The following DNAJC6 variants were observed in gnomAD, a reference collection of about 807,000 sequenced individuals.
DNAJC6 encodes auxilin.
In DNAJC6, 34 loss-of-function variants were observed where a neutral mutation model predicts 110.0. That is an observed-to-expected ratio of 0.31 (90% CI 0.24 to 0.41). The LOEUF (loss-of-function observed/expected upper bound fraction) is 0.41, where lower values mean the gene tolerates loss of function less well. Among genes scored for constraint, DNAJC6 ranks in the 10% least tolerant of loss-of-function variants. The probability of loss-of-function intolerance (pLI) is 1.00; values close to 1 mark genes in which losing one functional copy is unlikely to be tolerated. For synonymous variants in DNAJC6, 406 were observed against 437.2 expected (o/e 0.93, Z 0.89); for missense variants, 1,031 against 1,207.8 (o/e 0.85, Z 2.17).
intron 1 of DNAJC6, among the ~76,000 whole-genome samples, chr1:65,336,406 A>C (rs1231677853): frequency 2.0e-5 from 3 of 152,166 alleles, no homozygotes; most frequent in African/African-American, 7.2e-5. Flanking sequence ...TTGGGTGGGG[A>C]CACAGCCAAA....
chr1:65,383,234 A>G (rs1645840013), intron 5 of DNAJC6, among the ~76,000 whole-genome samples: 1 of 152,210 alleles, frequency 6.6e-6, no homozygotes, highest in Non-Finnish European at 1.5e-5. Context: ...TGCTGTAACA[A>G]ATATACCATA....
At chr1:65,384,452 A>G (rs1266856746) in intron 6 of DNAJC6, 126 bp downstream of exon 6, 2 of 975,096 alleles carry the variant, frequency 2.1e-6, no homozygotes, top group East Asian at 3.3e-5. Flanking sequence ...GTCCATTTTA[A>G]TATTGCTATG....
chr1:65,395,111 C>T (rs543670590), intron 13 of DNAJC6, 79 bp downstream of exon 13: 44 of 1,394,380 alleles, frequency 3.2e-5, no homozygotes, highest in Admixed American at 1.7e-4. Context: ...TATAAAAGCA[C>T]CCTGTGGGTG....
At chr1:65,359,896 G>A (rs1235356505) in intron 1 of DNAJC6, among the ~76,000 whole-genome samples, 1 of 152,126 alleles carries the variant, frequency 6.6e-6, no homozygotes, top group African/African-American at 2.4e-5. Flanking sequence ...CCAGTTTCAT[G>A]TTATGAAATA....
chr1:65,318,898 C>T (rs1645171873), intron 1 of DNAJC6, among the ~76,000 whole-genome samples: 1 of 152,138 alleles, frequency 6.6e-6, no homozygotes. Context: ...ACACAGATTC[C>T]TGGGCCCCAA....
chr1:65,349,183 T>A (rs1450418920), intron 1 of DNAJC6, among the ~76,000 whole-genome samples: 1 of 148,902 alleles, frequency 6.7e-6, no homozygotes, highest in Non-Finnish European at 1.5e-5. Context: ...GATTGCAATA[T>A]TTATTCTTCA....
intron 1 of DNAJC6, among the ~76,000 whole-genome samples, chr1:65,364,367 A>G (rs1002461770): frequency 6.6e-6 from 1 of 152,156 alleles, no homozygotes; most frequent in African/African-American, 2.4e-5. Flanking sequence ...CAGGCGCTCA[A>G]TTGTTACACA....
At chr1:65,271,995 T>C (rs979056641) in intron 1 of DNAJC6, among the ~76,000 whole-genome samples, 5 of 152,232 alleles carry the variant, frequency 3.3e-5, no homozygotes, top group Non-Finnish European at 7.3e-5. Flanking sequence ...ATGTAGACCG[T>C]TTATTTTTCT....
intron 13 of DNAJC6, among the ~76,000 whole-genome samples, chr1:65,397,087 A>T (rs1478198996): frequency 2.6e-5 from 4 of 152,188 alleles, no homozygotes; most frequent in African/African-American, 7.2e-5. Flanking sequence ...AGTTTAGGCC[A>T]GTTAGTACTC....
intron 1 of DNAJC6, among the ~76,000 whole-genome samples, chr1:65,338,200 T>C (rs1645356475): frequency 6.6e-6 from 1 of 152,192 alleles, no homozygotes. Context: ...AAATACATTA[T>C]GGATTCACAA....
At position 65,406,086 on chromosome 1, in the gene DNAJC6, C is replaced by T; in HGVS notation, c.2444C>T (p.Ala815Val). ...NRPNYNVSFS[A>V]MPGGQNERGK... is the part of the protein sequence containing the mutation. ...CCCAACTACAACGTGAGCTTCTCAG[C>T]CATGCCTGGGGGCCAGAACGAACGT... Residue 815 changes from alanine (A) to valine (V), a missense_variant, in exon 16 of 19, where the codon GCC becomes GTC. Physicochemically the swap from Ala to Val is moderately conservative, Grantham distance 64 (BLOSUM62 0). Coordinates refer to ENST00000371069, the MANE Select transcript of DNAJC6 (RefSeq NM_001256864.2). The T allele has an allele frequency of 6.2e-7, 1 of 1,614,174 alleles. No individual in the cohort carries two copies. Among genetic ancestry groups the T allele is most frequent in the Middle Eastern group, 1.6e-4 (1 of 6,062 alleles).
intron 1 of DNAJC6, among the ~76,000 whole-genome samples, chr1:65,330,976 G>A (rs746976485): frequency 3.3e-5 from 5 of 152,218 alleles, no homozygotes; most frequent in Non-Finnish European, 4.4e-5. Context: ...CTGAGAAACA[G>A]CGTGTAAGTT....
intron 1 of DNAJC6, among the ~76,000 whole-genome samples, chr1:65,284,217 A>G (rs1159146656): frequency 1.3e-5 from 2 of 152,008 alleles, no homozygotes; most frequent in Non-Finnish European, 2.9e-5. Flanking sequence ...TCTGCTCCAT[A>G]CAGTGAGGTC....
At position 65,279,199 on chromosome 1, in the gene DNAJC6, T is replaced by A. The variant is rs903738377; in HGVS notation, c.-131+14267T>A. 5 of 981,286 alleles carry A rather than the reference T, an allele frequency of 5.1e-6. No individual in the cohort carries two copies. The African/African-American group carries it at 8.8e-5, about 17-fold the overall frequency. The allele number at this position is 981,286 out of a possible 1,614,324, so 60.8% of individuals were successfully genotyped here. A position where few individuals can be genotyped will look rare whatever the true frequency, so the allele number is the denominator to read the frequency against. On this transcript the variant is annotated intron_variant, in intron 1 of 19. Coordinates refer to the DNAJC6 transcript ENST00000263441. Reference sequence around the variant, plus strand: ...AAATTTAGAATAACATTTCTACAACTTTGGGGGAGGGGCGGTGATGGTGGC... The same window carrying A: ...AAATTTAGAATAACATTTCTACAACATTGGGGGAGGGGCGGTGATGGTGGC...
chr1:65,349,822 C>G (rs1480894777), intron 1 of DNAJC6, among the ~76,000 whole-genome samples: 1 of 151,926 alleles, frequency 6.6e-6, no homozygotes, highest in Non-Finnish European at 1.5e-5. Flanking sequence ...TGCTGAGTTA[C>G]TTGGATCTGC....
Position 65,401,820 on chromosome 1 carries a change from A to G in DNAJC6, c.2167A>G (p.Thr723Ala). Residue 723 changes from threonine to alanine, a missense_variant, in exon 15 of 19, where the codon ACT (threonine) becomes GCT (alanine). Thr to Ala is a moderately conservative substitution (Grantham distance 58). Coordinates refer to ENST00000371069, the MANE Select transcript of DNAJC6 (RefSeq NM_001256864.2). ...ATSPTGSSHG[T>A]PTHQSKPQTL... ...CAGCCCAACCGGATCCTCGCATGGT[A>G]CTCCCACCCATCAAAGCAAACCCCA... 1 of 1,613,862 alleles carries G rather than the reference A, an allele frequency of 6.2e-7. No individual in the cohort carries two copies. The highest frequency in any genetic ancestry group is 1.1e-5 in the South Asian group (1 of 91,058).
intron 1 of DNAJC6, among the ~76,000 whole-genome samples, chr1:65,283,092 A>G (rs1356789729): frequency 6.6e-6 from 1 of 152,214 alleles, no homozygotes; most frequent in Non-Finnish European, 1.5e-5. Flanking sequence ...CCACCATAGT[A>G]CAATATAAAA....
intron 1 of DNAJC6, among the ~76,000 whole-genome samples, chr1:65,282,631 G>C (rs924426760): frequency 2.0e-5 from 3 of 152,160 alleles, no homozygotes; most frequent in Non-Finnish European, 4.4e-5. Flanking sequence ...ACAGATGTCA[G>C]GTGTACATAA....
In DNAJC6 at chr1:65,295,959, C is replaced by T. The variant is rs987984296; in HGVS notation, c.-131+31027C>T. Among the ~76,000 whole-genome samples the T allele has an allele frequency of 1.7e-4, 26 of 152,316 alleles. 1 individual carries two copies. The highest frequency in any genetic ancestry group is 1.0e-3 in the South Asian group (5 of 4,832). The stretch of plus-strand genomic sequence containing the variant: ...AATCTTGTGACCAAGGCTATAAAGG[C>T]GTTAGAAAAGCACTGCTATCATTAT... On this transcript the variant is annotated intron_variant, in intron 1 of 19. Transcript: ENST00000263441.
Sources: allele counts gnomAD v4.1 joint callset (sites outside exome capture counted in the v4.1 genomes callset), GRCh38; gene constraint gnomAD v4.1.1; transcripts MANE v1.5; gene names NCBI Gene and HGNC (gene_info 2026-07-23, HGNC 2026-07-21).